Variants in CSGALNACT1 observed in about 807,000 individuals in gnomAD.
CSGALNACT1 encodes the protein beta4GalNAcT-1.
A neutral mutation model predicts 51.0 loss-of-function variants in CSGALNACT1; 52 were observed. The observed-to-expected ratio is 1.02, with a 90% confidence interval of 0.82 to 1.29. The LOEUF is 1.29. Ranked by LOEUF, CSGALNACT1 falls within the 50% of genes most tolerant of loss-of-function variation. The probability of loss-of-function intolerance (pLI) is 0.00; values close to 1 mark genes in which losing one functional copy is unlikely to be tolerated. For missense variants in CSGALNACT1, 935 were observed against 679.2 expected, an observed-to-expected ratio of 1.38 and a Z score of -4.19; for synonymous variants, 341 against 254.4, an observed-to-expected ratio of 1.34 and a Z score of -3.24.
intron 1 of CSGALNACT1, among the ~76,000 whole-genome samples, chr8:19,680,241 A>T (rs1322826820): frequency 6.6e-6 from 1 of 152,202 alleles, no homozygotes; most frequent in Admixed American, 6.5e-5. Flanking sequence ...AATAAAAATT[A>T]AAAAGACAAA....
chr8:19,409,517 AG>A (rs1399520303), intron 8 of CSGALNACT1, among the ~76,000 whole-genome samples: 4 of 152,116 alleles, frequency 2.6e-5, no homozygotes, highest in Admixed American at 6.6e-5. Context: ...AGAGAGAGAG[AG>A]AGAAACACAC....
At chr8:19,525,913 C>T (rs1402335497) in intron 3 of CSGALNACT1, among the ~76,000 whole-genome samples, 3 of 152,134 alleles carry the variant, frequency 2.0e-5, no homozygotes, top group Non-Finnish European at 2.9e-5. Flanking sequence ...CTGCTCTGTC[C>T]TATATAACCG....
At chr8:19,747,531 A>T (rs2064755606) in intron 1 of CSGALNACT1, among the ~76,000 whole-genome samples, 1 of 152,220 alleles carries the variant, frequency 6.6e-6, no homozygotes, top group Non-Finnish European at 1.5e-5. Context: ...TTCTCTACTA[A>T]GGAAAGCTAT....
chr8:19,518,930 C>A (rs1196510928), intron 3 of CSGALNACT1, among the ~76,000 whole-genome samples: 2 of 152,102 alleles, frequency 1.3e-5, no homozygotes, highest in Non-Finnish European at 2.9e-5. Context: ...AAAAGAAGCA[C>A]AGAAAGAAGA....
intron 3 of CSGALNACT1, among the ~76,000 whole-genome samples, chr8:19,576,976 G>A (rs1255482170): frequency 2.0e-5 from 3 of 151,678 alleles, no homozygotes; most frequent in East Asian, 1.9e-4. Context: ...TAGACACCCC[G>A]CAAATTACAT....
At chr8:19,595,355 G>A (rs1012330623) in intron 2 of CSGALNACT1, among the ~76,000 whole-genome samples, 1 of 152,058 alleles carries the variant, frequency 6.6e-6, no homozygotes, top group Non-Finnish European at 1.5e-5. Flanking sequence ...TCCAAGAATT[G>A]GTACTTGGTA....
chr8:19,625,746 A>AGG (rs1208971640), intron 1 of CSGALNACT1, among the ~76,000 whole-genome samples: 1 of 152,166 alleles, frequency 6.6e-6, no homozygotes, highest in Non-Finnish European at 1.5e-5. Context: ...TAGGCTTAAG[A>AGG]GAGGGGGCCT....
At chr8:19,506,222 G>C (rs1301653514) in intron 3 of CSGALNACT1, 92 bp from the exon 3 acceptor site, 2 of 417,422 alleles carry the variant, frequency 4.8e-6, no homozygotes, top group Admixed American at 2.9e-5. Context: ...GATCTCCTGT[G>C]AGAGTTATGG....
chr8:19,486,954 T>C (rs750025686), intron 4 of CSGALNACT1, among the ~76,000 whole-genome samples: 17 of 152,222 alleles, frequency 1.1e-4, no homozygotes, highest in Non-Finnish European at 2.1e-4. Flanking sequence ...TACTCTTTCA[T>C]GCTTGTGTCA....
chr8:19,723,876 A>T (rs1220190038), intron 1 of CSGALNACT1, among the ~76,000 whole-genome samples: 1 of 152,212 alleles, frequency 6.6e-6, no homozygotes, highest in African/African-American at 2.4e-5. Context: ...GCTCTGACCT[A>T]TAGTTCCCTG....
intron 6 of CSGALNACT1, among the ~76,000 whole-genome samples, chr8:19,436,196 G>C (rs1186996825): frequency 6.6e-6 from 1 of 152,188 alleles, no homozygotes; most frequent in Non-Finnish European, 1.5e-5. Flanking sequence ...CATTTAGCTG[G>C]ATTTAAAACA....
chr8:19,745,786 G>A (rs1203549313), intron 1 of CSGALNACT1, among the ~76,000 whole-genome samples: 2 of 152,178 alleles, frequency 1.3e-5, no homozygotes, highest in African/African-American at 4.8e-5. Context: ...CGATCTCAGA[G>A]AAAACGCGTA....
chr8:19,604,950 A>G (rs1312161678), upstream of CSGALNACT1, among the ~76,000 whole-genome samples: 1 of 150,336 alleles, frequency 6.7e-6, no homozygotes, highest in African/African-American at 2.5e-5. Flanking sequence ...TATGGGGCTT[A>G]CATAACACAG....
At chr8:19,554,911 C>A (rs1316809736) in intron 3 of CSGALNACT1, among the ~76,000 whole-genome samples, 1 of 151,692 alleles carries the variant, frequency 6.6e-6, no homozygotes, top group East Asian at 1.9e-4. Context: ...GAGGGAGACT[C>A]TGTCTCAAAA....
intron 1 of CSGALNACT1, among the ~76,000 whole-genome samples, chr8:19,668,794 C>T (rs912104461): frequency 6.6e-6 from 1 of 152,152 alleles, no homozygotes; most frequent in African/African-American, 2.4e-5. Context: ...CTCAGGTGAT[C>T]CACCAGACTA....
intron 3 of CSGALNACT1, among the ~76,000 whole-genome samples, chr8:19,509,853 T>C (rs935952545): frequency 1.3e-5 from 2 of 152,078 alleles, no homozygotes; most frequent in Non-Finnish European, 2.9e-5. Context: ...AAGTTAGAGA[T>C]GACAGTGAAA....
At chr8:19,667,032 G>GAAAAGAA (rs1564386771) in intron 1 of CSGALNACT1, among the ~76,000 whole-genome samples, 4 of 27,774 alleles carry the variant, frequency 1.4e-4, no homozygotes, top group Admixed American at 3.8e-4. Flanking sequence ...AGGAAGGAAG[G>GAAAAGAA]AAGGAAGGAA....
At chr8:19,610,231 A>C (rs779170368) in intron 1 of CSGALNACT1, among the ~76,000 whole-genome samples, 198 of 146,934 alleles carry the variant, frequency 1.3e-3, no homozygotes, top group Non-Finnish European at 2.1e-3. Flanking sequence ...CGGAGGTTCC[A>C]GTGAGCCAAA....
chr8:19,684,633 T>C (rs2060870913), upstream of CSGALNACT1, among the ~76,000 whole-genome samples: 1 of 151,794 alleles, frequency 6.6e-6, no homozygotes, highest in Non-Finnish European at 1.5e-5. Flanking sequence ...TCCCTCCCAC[T>C]CCTCCTGGGA....
Sources: gnomAD v4.1 joint callset for allele counts (sites outside exome capture counted in the v4.1 genomes callset) on GRCh38, gnomAD v4.1.1 for gene constraint, MANE v1.5 for transcripts, NCBI Gene and HGNC (gene_info 2026-07-23, HGNC 2026-07-21) for gene names.